TENM2: variants seen among roughly 807,000 people sequenced by gnomAD.
TENM2 encodes teneurin-2.
Under a neutral mutation model 245.2 loss-of-function variants are expected in TENM2, and 52 were observed. That is an observed-to-expected ratio of 0.21 (90% CI 0.17 to 0.27). The LOEUF is 0.27. Among genes scored for constraint, TENM2 ranks in the 10% least tolerant of loss-of-function variants. The pLI, the probability that TENM2 is intolerant of heterozygous loss-of-function variation, is 1.00. For synonymous variants in TENM2, 1,363 were observed against 1,438.9 expected, an observed-to-expected ratio of 0.95 and a Z score of 1.19; for missense variants, 3,046 against 3,666.8, an observed-to-expected ratio of 0.83 and a Z score of 4.37.
chr5:167,294,103 G>A (rs1033407173), intron 1 of TENM2: 2 of 152,012 alleles, frequency 1.3e-5, no homozygotes, highest in African/African-American at 4.8e-5. Flanking sequence ...CAACTGATGG[G>A]GTAAGCAGGC....
At chr5:167,527,183 A>G (rs963616184) in intron 2 of TENM2, among the ~76,000 whole-genome samples, 1 of 152,112 alleles carries the variant, frequency 6.6e-6, no homozygotes, top group African/African-American at 2.4e-5. Context: ...AAAAAAAGAC[A>G]TTCTTGGATT....
intron 2 of TENM2, among the ~76,000 whole-genome samples, chr5:167,859,815 C>T (rs1426746690): frequency 5.0e-5 from 3 of 60,454 alleles, no homozygotes; most frequent in Admixed American, 1.2e-4. Context: ...CCAGCCGCCC[C>T]GTCTGGGAGG....
the TENM2 span, among the ~76,000 whole-genome samples, chr5:167,127,210 A>C: frequency 6.6e-6 from 1 of 152,186 alleles, no homozygotes; most frequent in Non-Finnish European, 1.5e-5. Flanking sequence ...CTATAAAAAC[A>C]GTCCCTTTTA....
At chr5:167,552,073 T>C (rs1250726138) in intron 2 of TENM2, among the ~76,000 whole-genome samples, 1 of 152,196 alleles carries the variant, frequency 6.6e-6, no homozygotes, top group Non-Finnish European at 1.5e-5. Flanking sequence ...CTTAAGTCTA[T>C]TACTTATTAA....
chr5:167,594,404 A>G (rs750069712), intron 2 of TENM2, among the ~76,000 whole-genome samples: 3 of 152,200 alleles, frequency 2.0e-5, no homozygotes, highest in Non-Finnish European at 4.4e-5. Context: ...TCTAACCCAC[A>G]TGGCAATGTA....
chr5:167,679,604 A>C, intron 2 of TENM2, among the ~76,000 whole-genome samples: 1 of 152,242 alleles, frequency 6.6e-6, no homozygotes, highest in Middle Eastern at 3.4e-3. Context: ...GCAAATCTTT[A>C]TTTTTAAAAA....
intron 12 of TENM2, among the ~76,000 whole-genome samples, chr5:168,150,475 G>C (rs186450490): frequency 6.6e-6 from 1 of 152,180 alleles, no homozygotes; most frequent in South Asian, 2.1e-4. Context: ...TCCCCAAGTA[G>C]GATCCTCATG....
At chr5:167,209,560 A>G in the TENM2 span, among the ~76,000 whole-genome samples, 2 of 152,140 alleles carry the variant, frequency 1.3e-5, no homozygotes, top group Admixed American at 6.5e-5. Flanking sequence ...GGAAATTTTT[A>G]GTAATATTGT....
At chr5:167,754,843 C>T in intron 2 of TENM2, 1 of 466,468 alleles carries the variant, frequency 2.1e-6, no homozygotes, top group Non-Finnish European at 3.5e-6. Context: ...GGGGAGGCGT[C>T]CTCCCCAACT....
At chr5:167,742,599 G>A (rs933121875) in intron 2 of TENM2, among the ~76,000 whole-genome samples, 2 of 152,028 alleles carry the variant, frequency 1.3e-5, no homozygotes, top group African/African-American at 2.4e-5. Context: ...AGAGGAAAAA[G>A]GGAAGGAGGC....
the TENM2 span, among the ~76,000 whole-genome samples, chr5:167,041,547 GAAACATC>G: frequency 3.9e-5 from 6 of 152,180 alleles, no homozygotes; most frequent in Non-Finnish European, 5.9e-5. Context: ...TAGGAAAGCA[GAAACATC>G]AAAATGTTGT....
At chr5:167,558,980 C>T (rs368046183) in intron 2 of TENM2, among the ~76,000 whole-genome samples, 1 of 152,092 alleles carries the variant, frequency 6.6e-6, no homozygotes. Flanking sequence ...AACACTTTAT[C>T]TCAGCTAGCC....
chr5:167,206,858 A>T, the TENM2 span, among the ~76,000 whole-genome samples: 9 of 152,270 alleles, frequency 5.9e-5, no homozygotes, highest in African/African-American at 2.2e-4. Context: ...CTATGACTTG[A>T]GATAATAATT....
chr5:168,000,800 T>A (rs1784367378), intron 5 of TENM2, among the ~76,000 whole-genome samples: 1 of 152,192 alleles, frequency 6.6e-6, no homozygotes, highest in Non-Finnish European at 1.5e-5. Flanking sequence ...ACACCAATTA[T>A]AAGGTGCATT....
chr5:167,241,682 T>C, the TENM2 span, among the ~76,000 whole-genome samples: 10 of 152,178 alleles, frequency 6.6e-5, no homozygotes, highest in Admixed American at 6.5e-4. Flanking sequence ...TGAAGAGCAA[T>C]TGTTGGATTT....
chr5:167,640,372 C>G (rs916077307), intron 2 of TENM2, among the ~76,000 whole-genome samples: 3 of 152,118 alleles, frequency 2.0e-5, no homozygotes, highest in African/African-American at 7.2e-5. Flanking sequence ...AATCCCAGCA[C>G]TTTGGGAGGC....
At chr5:168,039,518 C>T (rs1039717892) in intron 5 of TENM2, among the ~76,000 whole-genome samples, 1 of 151,964 alleles carries the variant, frequency 6.6e-6, no homozygotes, top group Non-Finnish European at 1.5e-5. Context: ...TCACATGGGT[C>T]CTTTCTTGGA....
At chr5:167,482,008 T>A (rs1767785790) in intron 2 of TENM2, among the ~76,000 whole-genome samples, 1 of 152,180 alleles carries the variant, frequency 6.6e-6, no homozygotes, top group African/African-American at 2.4e-5. Context: ...ACTGAGTGCA[T>A]GTAAATTATG....
At chr5:167,582,657 T>A (rs1775170796) in intron 2 of TENM2, among the ~76,000 whole-genome samples, 1 of 152,244 alleles carries the variant, frequency 6.6e-6, no homozygotes, top group Non-Finnish European at 1.5e-5. Context: ...AAATTTCAGA[T>A]AAATGAACAT....
Sources: gnomAD v4.1 joint callset for allele counts (sites outside exome capture counted in the v4.1 genomes callset) on GRCh38, gnomAD v4.1.1 for gene constraint, MANE v1.5 for transcripts, NCBI Gene and HGNC (gene_info 2026-07-23, HGNC 2026-07-21) for gene names.